CHST2: variants seen among roughly 807,000 people sequenced by gnomAD.
CHST2 encodes the protein N-acetylglucosamine 6-O-sulfotransferase 1.
Under a neutral mutation model 34.6 loss-of-function variants are expected in CHST2, and 23 were observed. The observed-to-expected ratio is 0.67, with a 90% CI of 0.48 to 0.94. The LOEUF (loss-of-function observed/expected upper bound fraction) is 0.94. CHST2 is among the 40% of genes least tolerant of loss of function. The pLI, the probability that CHST2 is intolerant of heterozygous loss-of-function variation, is 0.00. For missense variants in CHST2, 720 were observed against 759.5 expected, an observed-to-expected ratio of 0.95 and a Z score of 0.61; for synonymous variants, 392 against 343.1, an observed-to-expected ratio of 1.14 and a Z score of -1.58.
chr3:143,121,395 C>T lies in CHST2; in HGVS notation c.579C>T (p.Leu193=), dbSNP rs754768485. The change falls in exon 2 of 2, where the codon CTC becomes CTT. Residue 193 remains leucine (L), a synonymous_variant. Coordinates refer to ENST00000309575, the MANE Select transcript of CHST2 (RefSeq NM_004267.5). Reference sequence around the variant, plus strand: ...ACCAGAATCCCGAGGTGTTCTTTCTCTACGAGCCAGTGTGGCATGTATGGC... The same window carrying T: ...ACCAGAATCCCGAGGTGTTCTTTCTTTACGAGCCAGTGTGGCATGTATGGC... ...LFNQNPEVFF[L]YEPVWHVWQK... The T allele has an allele frequency of 1.2e-5, 20 of 1,613,684 alleles. No individual in the cohort carries two copies. Among genetic ancestry groups the T allele is most frequent in the Non-Finnish European group, 1.4e-5 (17 of 1,180,040 alleles).
rs901439699 is a variant in CHST2, at chr3:143,121,439, A to G, written c.623A>G (p.Asp208Gly). The change falls in exon 2 of 2, where the codon GAC becomes GGC. Residue 208 changes from aspartate (D) to glycine (G), a missense_variant. By Grantham distance (94) the Asp-to-Gly change is moderately conservative (BLOSUM62 -1). Transcript: ENST00000309575. ...WHVWQKLYPG[D>G]AVSLQGAARD... ...GTATGGCAAAAACTGTATCCGGGGG[A>G]CGCCGTTTCCCTGCAGGGGGCAGCG... 1 of 1,613,300 alleles carries G rather than the reference A, an allele frequency of 6.2e-7. No homozygotes were observed. Among genetic ancestry groups the G allele is most frequent in the Non-Finnish European group, 8.5e-7 (1 of 1,179,914 alleles).
Position 143,121,175 on chromosome 3 carries a change from T to G in CHST2, c.359T>G (p.Leu120Trp). 6.6e-7 allele frequency: 1 copy of G among 1,521,514 alleles called. No individual in the cohort carries two copies. The highest frequency in any genetic ancestry group is 8.8e-7 in the Non-Finnish European group (1 of 1,142,828). 94.3% of individuals were successfully genotyped at this position (1,521,514 alleles called of 1,614,324 possible). Reference sequence around the variant, plus strand: ...GGGCCGCCCCGTGCTCATGCCCGTTTGGACCTCCGCACTCCTTACCGCCCT... The same window carrying G: ...GGGCCGCCCCGTGCTCATGCCCGTTGGGACCTCCGCACTCCTTACCGCCCT... ...PAGPPRAHARLDLRTPYRPPA... is the reference protein window; with the variant it reads ...PAGPPRAHARWDLRTPYRPPA... The change falls in exon 2 of 2, where the codon TTG (leucine) becomes TGG (tryptophan). Residue 120 changes from leucine (L) to tryptophan (W), a missense_variant. Transcript: ENST00000309575.
In CHST2 at chr3:143,120,790, G is replaced by C. The variant is rs529317966; in HGVS notation, c.-27G>C. 1 of 1,224,608 alleles carries C rather than the reference G, an allele frequency of 8.2e-7. No homozygotes were observed. The highest frequency in any genetic ancestry group is 3.4e-5 in the East Asian group (1 of 29,520). 75.9% of individuals were successfully genotyped at this position (1,224,608 alleles called of 1,614,324 possible). A position where few individuals can be genotyped will look rare whatever the true frequency, so the allele number is the denominator to read the frequency against. ...CCCGGGCTGCAGGGCTGCCTCCGCC[G>C]CGCCGCCGGCCCGGATTGTGCCTGT... On this transcript the variant is annotated 5_prime_UTR_variant, in exon 2 of 2. Coordinates refer to ENST00000309575, the MANE Select transcript of CHST2 (RefSeq NM_004267.5). The surrounding 1 kb of genome is among the most constrained non-coding windows in gnomAD (Gnocchi z 4.1).
In CHST2 at chr3:143,121,085, G is replaced by T; in HGVS notation, c.269G>T (p.Gly90Val). 6.6e-7 allele frequency: 1 copy of T among 1,505,910 alleles called. No individual in the cohort carries two copies. Among genetic ancestry groups the T allele is most frequent in the African/African-American group, 1.5e-5 (1 of 68,894 alleles). 93.3% of individuals were successfully genotyped at this position (1,505,910 alleles called of 1,614,324 possible). The change falls in exon 2 of 2, where the codon GGG becomes GTG. Residue 90 changes from glycine (G) to valine (V), a missense_variant. Transcript: ENST00000309575. Reference protein sequence around the residue: ...KEPLQQCNPDGPLGAAAGAAG... With the variant: ...KEPLQQCNPDVPLGAAAGAAG... ...CCGCTGCAGCAGTGCAACCCCGATG[G>T]GCCGCTGGGTGCCGCAGCGGGGGCA...
Position 143,123,146 on chromosome 3 carries a change from A to C in CHST2, c.*737A>C, listed in dbSNP as rs1936254314. 1 of 153,130 alleles carries C rather than the reference A, an allele frequency of 6.5e-6. No homozygotes were observed. Among genetic ancestry groups the C allele is most frequent in the Non-Finnish European group, 1.5e-5 (1 of 68,028 alleles). The allele number at this position is 153,130 out of a possible 1,614,324, so 9.5% of individuals were successfully genotyped here. A position where few individuals can be genotyped will look rare whatever the true frequency, so the allele number is the denominator to read the frequency against. ...CCTGGGGGATGTTTTCTCACATGTA[A>C]ATCTCAGCCTGTTAGGTGTCCAGGA... On this transcript the variant is annotated 3_prime_UTR_variant, in exon 2 of 2. Transcript: ENST00000309575.
chr3:143,121,087 C>G lies in CHST2; in HGVS notation c.271C>G (p.Pro91Ala), dbSNP rs775822951. ...EPLQQCNPDGPLGAAAGAAGG... is the reference protein window; with the variant it reads ...EPLQQCNPDGALGAAAGAAGG... The stretch of plus-strand genomic sequence containing the variant: ...GCTGCAGCAGTGCAACCCCGATGGG[C>G]CGCTGGGTGCCGCAGCGGGGGCAGC... Residue 91 changes from proline (P) to alanine (A), a missense_variant, in exon 2 of 2, where the codon CCG (proline) becomes GCG (alanine). This residue lies in a region of CHST2 where 287 missense variants were observed against 242.7 expected (regional missense o/e 1.18). Coordinates refer to ENST00000309575, the MANE Select transcript of CHST2 (RefSeq NM_004267.5). 1.3e-6 allele frequency: 2 copies of G among 1,503,964 alleles called. No homozygotes were observed. The highest frequency in any genetic ancestry group is 2.5e-5 in the South Asian group (2 of 79,024). 93.2% of individuals were successfully genotyped at this position (1,503,964 alleles called of 1,614,324 possible).
In CHST2 at chr3:143,121,147, G is replaced by A; in HGVS notation, c.331G>A (p.Ala111Thr). The A allele has an allele frequency of 6.9e-7, 1 of 1,451,928 alleles. No homozygotes were observed. The highest frequency in any genetic ancestry group is 9.0e-7 in the Non-Finnish European group (1 of 1,114,080). 89.9% of individuals were successfully genotyped at this position (1,451,928 alleles called of 1,614,324 possible). Residue 111 changes from alanine (A) to threonine (T), a missense_variant, in exon 2 of 2, where the codon GCC (alanine) becomes ACC (threonine). Coordinates refer to ENST00000309575, the MANE Select transcript of CHST2 (RefSeq NM_004267.5). ...GSWGRPGPPP[A>T]GPPRAHARLD... ...CTGGGGGCGCCCAGGGCCGCCTCCG[G>A]CCGGGCCGCCCCGTGCTCATGCCCG...
Position 143,120,773 on chromosome 3 carries a change from G to A in CHST2, c.-44G>A. 1 of 1,215,542 alleles carries A rather than the reference G, an allele frequency of 8.2e-7. No homozygotes were observed. Among genetic ancestry groups the A allele is most frequent in the Non-Finnish European group, 1.0e-6 (1 of 979,472 alleles). 75.3% of individuals were successfully genotyped at this position (1,215,542 alleles called of 1,614,324 possible). On this transcript the variant is annotated 5_prime_UTR_variant, in exon 2 of 2. Coordinates refer to ENST00000309575, the MANE Select transcript of CHST2 (RefSeq NM_004267.5). This position sits in a 1 kb window ranked among gnomAD's most constrained non-coding sequence, Gnocchi z 4.1. ...GCCCGCTGCGTCCCCTTCCCGGGCT[G>A]CAGGGCTGCCTCCGCCGCGCCGCCG...
Position 143,119,849 on chromosome 3 carries a change from C to A in CHST2, c.-866C>A. On this transcript the variant is annotated 5_prime_UTR_variant, in exon 1 of 2. Transcript: ENST00000309575. ...GCAGCATCCTCCTGGGCGCCGCTTT[C>A]GCGCGGCGGCGGCGGCTGCGGCGGG... The A allele has an allele frequency of 6.7e-6, 1 of 149,452 alleles. No individual in the cohort carries two copies. Among genetic ancestry groups the A allele is most frequent in the South Asian group, 2.1e-4 (1 of 4,766 alleles). 9.3% of individuals were successfully genotyped at this position (149,452 alleles called of 1,614,324 possible). A position where few individuals can be genotyped will look rare whatever the true frequency, so the allele number is the denominator to read the frequency against.
In CHST2 at chr3:143,122,941, A is replaced by G. The variant is rs1936251890; in HGVS notation, c.*532A>G. The stretch of plus-strand genomic sequence containing the variant: ...GCAAAGGTTACATGTGAGTATTAAT[A>G]AAGAAGATAATAAATAATATTCTTT... On this transcript the variant is annotated 3_prime_UTR_variant, in exon 2 of 2. Transcript: ENST00000309575. 6.0e-6 allele frequency: 1 copy of G among 167,058 alleles called. No individual in the cohort carries two copies. The highest frequency in any genetic ancestry group is 2.4e-5 in the African/African-American group (1 of 41,464). The allele number at this position is 167,058 out of a possible 1,614,324, so 10.3% of individuals were successfully genotyped here.
rs543000584 is a variant in CHST2, at chr3:143,123,056, T to C, written c.*647T>C. 1.2e-5 allele frequency: 2 copies of C among 164,278 alleles called. No individual in the cohort carries two copies. The highest frequency in any genetic ancestry group is 1.3e-4 in the Admixed American group (2 of 15,310). The allele number at this position is 164,278 out of a possible 1,614,324, so 10.2% of individuals were successfully genotyped here. A position where few individuals can be genotyped will look rare whatever the true frequency, so the allele number is the denominator to read the frequency against. On this transcript the variant is annotated 3_prime_UTR_variant, in exon 2 of 2. Coordinates refer to ENST00000309575, the MANE Select transcript of CHST2 (RefSeq NM_004267.5). ...TCCTTCCCCTCCCTCGTTTCCATTTTTCCAGTCTCTTTCCTGAAAGGCAGC... is the reference window on the plus strand; with the variant it reads ...TCCTTCCCCTCCCTCGTTTCCATTTCTCCAGTCTCTTTCCTGAAAGGCAGC...
rs1323018078 is a variant in CHST2 at position 143,121,064 on chromosome 3, T to G, written c.248T>G (p.Leu83Arg). The G allele has an allele frequency of 1.1e-5, 16 of 1,519,864 alleles. No individual in the cohort carries two copies. The highest frequency in any genetic ancestry group is 1.4e-5 in the Non-Finnish European group (16 of 1,135,724). The allele number at this position is 1,519,864 out of a possible 1,614,324, so 94.1% of individuals were successfully genotyped here. A position where few individuals can be genotyped will look rare whatever the true frequency, so the allele number is the denominator to read the frequency against. Residue 83 changes from leucine (L) to arginine (R), a missense_variant, in exon 2 of 2, where the codon CTG becomes CGG. This residue lies in a region of CHST2 where 287 missense variants were observed against 242.7 expected (regional missense o/e 1.18). Coordinates refer to ENST00000309575, the MANE Select transcript of CHST2 (RefSeq NM_004267.5). ...GACTACAAGTGGCACAAGGAGCCGC[T>G]GCAGCAGTGCAACCCCGATGGGCCG... is the stretch of plus-strand genomic sequence containing the variant. ...LLDYKWHKEPLQQCNPDGPLG... is the reference protein window; with the variant it reads ...LLDYKWHKEPRQQCNPDGPLG...
In CHST2 at chr3:143,122,577, T is replaced by C. The variant is rs1026048813; in HGVS notation, c.*168T>C. 2.8e-6 allele frequency: 2 copies of C among 702,778 alleles called. No homozygotes were observed. Among genetic ancestry groups the C allele is most frequent in the African/African-American group, 3.7e-5 (2 of 54,110 alleles). The allele number at this position is 702,778 out of a possible 1,614,324, so 43.5% of individuals were successfully genotyped here. A position where few individuals can be genotyped will look rare whatever the true frequency, so the allele number is the denominator to read the frequency against. ...CTGTCAATGTTTTGAGTCAGTGCAT[T>C]TCAAGGAACAGCCACAAAATACACA... On this transcript the variant is annotated 3_prime_UTR_variant, in exon 2 of 2. Transcript: ENST00000309575.
Position 143,120,938 on chromosome 3 carries a change from G to A in CHST2, c.122G>A (p.Trp41Ter). ...PQWPRRPGRR[W>*]PASPLGMKVF... ...TGGCCCCGGCGCCCAGGACGCCGCT[G>A]GCCCGCGTCCCCTCTCGGAATGAAG... is the stretch of plus-strand genomic sequence containing the variant. Residue 41 changes from tryptophan to a stop codon, truncating the protein, a stop_gained, in exon 2 of 2, where the codon TGG (tryptophan) becomes TAG (stop). Transcript: ENST00000309575. LOFTEE classifies it high-confidence loss of function. The surrounding 1 kb of genome is among the most constrained non-coding windows in gnomAD (Gnocchi z 4.1). The A allele has an allele frequency of 2.0e-6, 3 of 1,530,276 alleles. No homozygotes were observed. The highest frequency in any genetic ancestry group is 8.8e-7 in the Non-Finnish European group (1 of 1,139,830). 94.8% of individuals were successfully genotyped at this position (1,530,276 alleles called of 1,614,324 possible). A position where few individuals can be genotyped will look rare whatever the true frequency, so the allele number is the denominator to read the frequency against.
chr3:143,123,931 A>G lies in CHST2; in HGVS notation c.*1522A>G, dbSNP rs1282975543. The G allele has an allele frequency of 3.9e-5, 6 of 152,216 alleles. No homozygotes were observed. Among genetic ancestry groups the G allele is most frequent in the East Asian group, 1.9e-4 (1 of 5,198 alleles). 9.4% of individuals were successfully genotyped at this position (152,216 alleles called of 1,614,324 possible). On this transcript the variant is annotated 3_prime_UTR_variant, in exon 2 of 2. Transcript: ENST00000309575. Reference sequence around the variant, plus strand: ...GAAACATTCTGCAGAATGTTATACTATGAGAAGAAATTGTGAAGCCCAAAT... The same window carrying G: ...GAAACATTCTGCAGAATGTTATACTGTGAGAAGAAATTGTGAAGCCCAAAT...
At position 143,122,522 on chromosome 3, in the gene CHST2, T is replaced by C; in HGVS notation, c.*113T>C. 9.4e-7 allele frequency: 1 copy of C among 1,066,680 alleles called. No individual in the cohort carries two copies. Among genetic ancestry groups the C allele is most frequent in the Non-Finnish European group, 1.3e-6 (1 of 764,240 alleles). 66.1% of individuals were successfully genotyped at this position (1,066,680 alleles called of 1,614,324 possible). The stretch of plus-strand genomic sequence containing the variant: ...CGGAGGAAGCCCACATATTCTATTA[T>C]AGATATATAAATAATCACACACACA... On this transcript the variant is annotated 3_prime_UTR_variant, in exon 2 of 2. Coordinates refer to ENST00000309575, the MANE Select transcript of CHST2 (RefSeq NM_004267.5).
rs1218757451 is a variant in CHST2, at chr3:143,121,750, G to A, written c.934G>A (p.Ala312Thr). 2 of 1,604,322 alleles carry A rather than the reference G, an allele frequency of 1.2e-6. No homozygotes were observed. The highest frequency in any genetic ancestry group is 4.5e-5 in the East Asian group (2 of 44,568). The change falls in exon 2 of 2, where the codon GCG (alanine) becomes ACG (threonine). Residue 312 changes from alanine to threonine, a missense_variant. Ala to Thr is a moderately conservative substitution (Grantham distance 58). Around this residue, in one of 4 missense-constraint regions of CHST2, gnomAD observed 166 missense variants for 211.4 expected, o/e 0.79. Transcript: ENST00000309575. ...AAAGGGTGTGCGCGTCTTCGACGTG[G>A]CGGTCTTGGCGCCACTGCTGCGAGA... ...VIKGVRVFDV[A>T]VLAPLLRDPA...
chr3:143,123,623 A>C lies in CHST2; in HGVS notation c.*1214A>C, dbSNP rs1336938750. ...ACTTGCTTCCCATTTAAATCAGTGC[A>C]AGAGAGAATATGAATTTATAATGCT... On this transcript the variant is annotated 3_prime_UTR_variant, in exon 2 of 2. Coordinates refer to ENST00000309575, the MANE Select transcript of CHST2 (RefSeq NM_004267.5). 1 of 152,244 alleles carries C rather than the reference A, an allele frequency of 6.6e-6. No homozygotes were observed. The highest frequency in any genetic ancestry group is 1.5e-5 in the Non-Finnish European group (1 of 68,038). 9.4% of individuals were successfully genotyped at this position (152,244 alleles called of 1,614,324 possible).
At position 143,122,329 on chromosome 3, in the gene CHST2, G is replaced by T. The variant is rs762254870; in HGVS notation, c.1513G>T (p.Val505Phe). 3.1e-6 allele frequency: 5 copies of T among 1,614,034 alleles called. No homozygotes were observed. The highest frequency in any genetic ancestry group is 1.3e-5 in the African/African-American group (1 of 75,060). Residue 505 changes from valine to phenylalanine, a missense_variant, in exon 2 of 2, where the codon GTC (valine) becomes TTC (phenylalanine). Val to Phe is a conservative substitution (Grantham distance 50). Coordinates refer to ENST00000309575, the MANE Select transcript of CHST2 (RefSeq NM_004267.5). ...VEEFCYQPMAVLGYERVNSPE... is the reference protein window; with the variant it reads ...VEEFCYQPMAFLGYERVNSPE... ...GGAGTTTTGCTACCAGCCCATGGCC[G>T]TCCTGGGCTATGAGCGGGTCAACAG...
Sources: gnomAD v4.1 joint callset for allele counts on GRCh38, gnomAD v4.1.1 for gene constraint, gnomAD v4.1.1 regional missense constraint, Gnocchi (gnomAD v3.1) non-coding constraint, MANE v1.5 for transcripts, NCBI Gene and HGNC (gene_info 2026-07-23, HGNC 2026-07-21) for gene names.